The following FHIP2A variants were observed in gnomAD, a reference collection of about 807,000 sequenced individuals.
The protein encoded by FHIP2A is FHF complex subunit HOOK interacting protein 2A.
Under a neutral mutation model 93.5 loss-of-function variants are expected in FHIP2A, and 46 were observed. The ratio of observed to expected loss-of-function variants is 0.49; its 90% CI spans 0.39 to 0.63. FHIP2A has a LOEUF of 0.63. FHIP2A is among the 20% of genes least tolerant of loss of function. FHIP2A has a pLI of 0.00. For missense variants in FHIP2A, 769 were observed against 909.7 expected, an observed-to-expected ratio of 0.85 and a Z score of 1.99; for synonymous variants, 332 against 326.5, an observed-to-expected ratio of 1.02 and a Z score of -0.18.
chr10:114,894,078 A>G (rs971632808), intron 16 of FHIP2A, among the ~76,000 whole-genome samples: 1 of 152,160 alleles, frequency 6.6e-6, no homozygotes, highest in Non-Finnish European at 1.5e-5. Flanking sequence ...TTGGTTTAGC[A>G]TTATAGCCCT....
At position 114,862,948 on chromosome 10, in the gene FHIP2A, A is replaced by G. The variant is rs1299669769; in HGVS notation, c.*1408A>G. The G allele has an allele frequency of 4.2e-5, 41 of 985,278 alleles. No individual in the cohort carries two copies. The highest frequency in any genetic ancestry group is 4.6e-5 in the Non-Finnish European group (38 of 829,932). 61.0% of individuals were successfully genotyped at this position (985,278 alleles called of 1,614,324 possible). A position where few individuals can be genotyped will look rare whatever the true frequency, so the allele number is the denominator to read the frequency against. ...TACGCATTGTGTGGCATGTGCATAG[A>G]GGCTTGTTTTACACCTATCTGCTCA... is the stretch of plus-strand genomic sequence containing the variant. On this transcript the variant is annotated 3_prime_UTR_variant, in exon 17 of 17. Transcript: ENST00000369248.
At chr10:114,871,892 C>A (rs1352524595) in intron 16 of FHIP2A, among the ~76,000 whole-genome samples, 1 of 152,160 alleles carries the variant, frequency 6.6e-6, no homozygotes, top group Non-Finnish European at 1.5e-5. Context: ...GTCATCTCAG[C>A]TCACTGAATG....
At chr10:114,849,286 C>T (rs568237124) in intron 13 of FHIP2A, among the ~76,000 whole-genome samples, 21 of 152,196 alleles carry the variant, frequency 1.4e-4, no homozygotes, top group Admixed American at 7.2e-4. Flanking sequence ...ATATCTCACC[C>T]GGATCCATTT....
At chr10:114,829,347 G>C (rs1239847056) in intron 1 of FHIP2A, among the ~76,000 whole-genome samples, 1 of 152,196 alleles carries the variant, frequency 6.6e-6, no homozygotes, top group Admixed American at 6.5e-5. Context: ...TGGGGAAAGG[G>C]GTGGGCCATT....
chr10:114,826,178 G>T (rs1271853345), intron 1 of FHIP2A, among the ~76,000 whole-genome samples: 1 of 152,218 alleles, frequency 6.6e-6, no homozygotes, highest in Non-Finnish European at 1.5e-5. Flanking sequence ...CTGGCTCCAA[G>T]TGAGGGAAAC....
At chr10:114,883,944 A>G (rs971936195) in intron 16 of FHIP2A, among the ~76,000 whole-genome samples, 4 of 152,200 alleles carry the variant, frequency 2.6e-5, no homozygotes, top group African/African-American at 7.2e-5. Context: ...AGGTGTGACC[A>G]GATAGTAAAG....
intron 5 of FHIP2A, among the ~76,000 whole-genome samples, chr10:114,836,524 A>G (rs911736371): frequency 6.6e-6 from 1 of 152,242 alleles, no homozygotes; most frequent in Non-Finnish European, 1.5e-5. Flanking sequence ...AATCAGAGAT[A>G]GACAAGTCAC....
In FHIP2A at chr10:114,851,714, CAAAAAAAA is replaced by C. The variant is rs60649106; in HGVS notation, c.1803+2992_1803+2999del. On this transcript the variant is annotated intron_variant, in intron 13 of 16. Transcript: ENST00000369248. ...TTTAGGATTACTTTGTCCATTTCTG[CAAAAAAAA>C]AAAAAAAAAAAAAAGCAATTGAAAT... Among the ~76,000 whole-genome samples the C allele has an allele frequency of 1.3e-3, 104 of 81,942 alleles. 3 individuals carry two copies. In the South Asian group the frequency reaches 0.051, roughly 40 times the overall value. The allele number at this position is 81,942 out of a possible 152,430, so 53.8% of individuals were successfully genotyped here.
chr10:114,885,548 G>A (rs2083938896), intron 16 of FHIP2A, among the ~76,000 whole-genome samples: 1 of 152,208 alleles, frequency 6.6e-6, no homozygotes. Context: ...TGGTGTGCCA[G>A]GTTTTTGACA....
intron 13 of FHIP2A, 68 bp from the exon 14 acceptor site, chr10:114,855,129 G>A (rs1385363938): frequency 6.5e-7 from 1 of 1,534,398 alleles, no homozygotes; most frequent in Non-Finnish European, 8.9e-7. Context: ...CCTATTTAAT[G>A]AAATCATTTC....
intron 5 of FHIP2A, among the ~76,000 whole-genome samples, chr10:114,837,534 A>G (rs1162558045): frequency 6.6e-6 from 1 of 152,146 alleles, no homozygotes; most frequent in Non-Finnish European, 1.5e-5. Context: ...AAAATACATA[A>G]ATAAATTTTT....
intron 5 of FHIP2A, among the ~76,000 whole-genome samples, chr10:114,838,945 C>T (rs538409954): frequency 2.2e-4 from 33 of 152,116 alleles, no homozygotes; most frequent in Non-Finnish European, 4.1e-4. Flanking sequence ...TACTACAGTC[C>T]CCCAGCACTG....
chr10:114,829,031 A>G (rs2083593194), intron 1 of FHIP2A, among the ~76,000 whole-genome samples: 1 of 152,218 alleles, frequency 6.6e-6, no homozygotes, highest in Non-Finnish European at 1.5e-5. Context: ...GATGCTCAGG[A>G]CACCAAGAAA....
rs968150958 is a variant in FHIP2A, at chr10:114,853,995, G to A, written c.1804-1202G>A. On this transcript the variant is annotated intron_variant, in intron 13 of 16. Transcript: ENST00000369248. Reference sequence around the variant, plus strand: ...GGGAAGGAATATAGAAGAAAACAGTGCTTTAAATTTCTTTTGTTTCAATTC... The same window carrying A: ...GGGAAGGAATATAGAAGAAAACAGTACTTTAAATTTCTTTTGTTTCAATTC... Among the ~76,000 whole-genome samples, 65 of 152,148 alleles carry A rather than the reference G, an allele frequency of 4.3e-4. 1 individual carries two copies. The highest frequency in any genetic ancestry group is 1.5e-3 in the African/African-American group (64 of 41,436).
chr10:114,881,682 C>T (rs2083917724), intron 16 of FHIP2A, among the ~76,000 whole-genome samples: 1 of 152,042 alleles, frequency 6.6e-6, no homozygotes, highest in African/African-American at 2.4e-5. Flanking sequence ...GCCACTAATT[C>T]ATTCTGACAG....
chr10:114,874,794 G>A (rs1318012784), intron 16 of FHIP2A, among the ~76,000 whole-genome samples: 1 of 152,148 alleles, frequency 6.6e-6, no homozygotes, highest in Non-Finnish European at 1.5e-5. Flanking sequence ...ATGAGCCATC[G>A]CGCCCGGCCG....
intron 1 of FHIP2A, among the ~76,000 whole-genome samples, chr10:114,827,727 G>A (rs2083584947): frequency 6.6e-6 from 1 of 151,210 alleles, no homozygotes; most frequent in South Asian, 2.1e-4. Flanking sequence ...AACCCGGGAG[G>A]CGGAGCTTGC....
chr10:114,842,835 C>T, intron 5 of FHIP2A, 98 bp from the exon 6 acceptor site: 1 of 736,416 alleles, frequency 1.4e-6, no homozygotes, highest in Non-Finnish European at 2.2e-6. Flanking sequence ...GCTACTTTGG[C>T]TAGGCATGTG....
At chr10:114,893,685 C>G (rs992127622) in intron 16 of FHIP2A, among the ~76,000 whole-genome samples, 2 of 151,290 alleles carry the variant, frequency 1.3e-5, no homozygotes, top group African/African-American at 4.8e-5. Flanking sequence ...ATGTGGTATT[C>G]TGTGTGTGTG....
Sources: allele counts gnomAD v4.1 joint callset (sites outside exome capture counted in the v4.1 genomes callset), GRCh38; gene constraint gnomAD v4.1.1; transcripts MANE v1.5; gene names NCBI Gene and HGNC (gene_info 2026-07-23, HGNC 2026-07-21).